The following ANKRD30A variants were observed in gnomAD, a reference collection of about 807,000 sequenced individuals.
ANKRD30A encodes the protein ankyrin repeat domain 30A, also known as ankyrin repeat domain-containing protein 30A.
Under a neutral mutation model 166.3 loss-of-function variants are expected in ANKRD30A, and 170 were observed. The ratio of observed to expected loss-of-function variants is 1.02; its 90% CI spans 0.90 to 1.16. ANKRD30A has a LOEUF of 1.16. Ranked by LOEUF, ANKRD30A falls within the 50% of genes most tolerant of loss-of-function variation. ANKRD30A has a pLI of 0.00. For missense variants in ANKRD30A, 1,630 were observed against 1,518.0 expected (o/e 1.07, Z -1.23); for synonymous variants, 564 against 508.9 (o/e 1.11, Z -1.46).
intron 13 of ANKRD30A, 52 bp from the exon 14 acceptor site, chr10:37,158,340 A>T: frequency 6.4e-7 from 1 of 1,572,478 alleles, no homozygotes; most frequent in Non-Finnish European, 8.7e-7. Context: ...AATGTTCGGT[A>T]GGCTTTGTCA....
At chr10:37,226,281 G>A (rs997682094) in intron 34 of ANKRD30A, among the ~76,000 whole-genome samples, 1 of 103,600 alleles carries the variant, frequency 9.7e-6, no homozygotes, top group African/African-American at 3.9e-5. Flanking sequence ...AACAGGCCCC[G>A]GTGTGTGATG....
chr10:37,197,691 T>C (rs1380791591), intron 29 of ANKRD30A, among the ~76,000 whole-genome samples: 2 of 152,200 alleles, frequency 1.3e-5, no homozygotes, highest in East Asian at 1.9e-4. Flanking sequence ...TAATCTCAGA[T>C]GTTTCTACTT....
At chr10:37,258,522 C>A in the ANKRD30A span, among the ~76,000 whole-genome samples, 1 of 152,088 alleles carries the variant, frequency 6.6e-6, no homozygotes, top group Non-Finnish European at 1.5e-5. Context: ...AAACAATAAT[C>A]TTTTCAATAA....
At chr10:37,162,610 T>A (rs988949354) in intron 15 of ANKRD30A, 39 bp from the exon 16 acceptor site, 1 of 1,610,990 alleles carries the variant, frequency 6.2e-7, no homozygotes, top group Non-Finnish European at 8.5e-7. Context: ...GCTTGTCATA[T>A]TTACATATGA....
chr10:37,135,203 A>C (rs1222006876), intron 5 of ANKRD30A: 8 of 152,198 alleles, frequency 5.3e-5, no homozygotes, highest in Non-Finnish European at 1.2e-4. Context: ...CTCATCCATC[A>C]TTGATCAGTC....
the ANKRD30A span, among the ~76,000 whole-genome samples, chr10:37,238,132 C>T: frequency 6.6e-6 from 1 of 152,050 alleles, no homozygotes; most frequent in Non-Finnish European, 1.5e-5. Context: ...AAGCTTCTTC[C>T]CCATGTTTTG....
intron 31 of ANKRD30A, among the ~76,000 whole-genome samples, chr10:37,207,375 G>T (rs182765375): frequency 6.6e-6 from 1 of 152,228 alleles, no homozygotes; most frequent in East Asian, 1.9e-4. Context: ...GTATATGTTA[G>T]CCATGTGTGA....
At chr10:37,133,582 A>G (rs1454191159) in intron 4 of ANKRD30A, among the ~76,000 whole-genome samples, 2 of 152,208 alleles carry the variant, frequency 1.3e-5, no homozygotes, top group Non-Finnish European at 2.9e-5. Context: ...TCTGACTTCT[A>G]GCTGATTTTG....
chr10:37,219,019 G>A lies in ANKRD30A; in HGVS notation c.3307G>A (p.Glu1103Lys), dbSNP rs267602484. The A allele has an allele frequency of 3.1e-6, 5 of 1,592,916 alleles. No individual in the cohort carries two copies. The highest frequency in any genetic ancestry group is 3.4e-6 in the Non-Finnish European group (4 of 1,172,518). The change falls in exon 34 of 36, where the codon GAA becomes AAA. Residue 1103 changes from glutamate (E) to lysine (K), a missense_variant. Around this residue, in one of 4 missense-constraint regions of ANKRD30A, gnomAD observed 712 missense variants for 629.3 expected, o/e 1.13. Coordinates refer to ENST00000361713, the MANE Select transcript of ANKRD30A (RefSeq NM_052997.3). ...TGAAAATGAAAATTATCTCTTACAT[G>A]AAAATTGCATGTTGAAAAAGGAAAT... ...THENENYLLH[E>K]NCMLKKEIAM... is the part of the protein sequence containing the mutation.
At chr10:37,204,442 C>T (rs1161851550) in intron 31 of ANKRD30A, among the ~76,000 whole-genome samples, 4 of 152,072 alleles carry the variant, frequency 2.6e-5, no homozygotes, top group Non-Finnish European at 4.4e-5. Context: ...TGGATCCCTT[C>T]CTTACAACTT....
intron 1 of ANKRD30A, among the ~76,000 whole-genome samples, chr10:37,126,707 G>A (rs542411102): frequency 2.0e-5 from 3 of 152,074 alleles, no homozygotes; most frequent in Non-Finnish European, 2.9e-5. Flanking sequence ...ATTTTGTAAT[G>A]GAGTAAAAAA....
intron 27 of ANKRD30A, among the ~76,000 whole-genome samples, chr10:37,193,859 G>T (rs1191850726): frequency 6.6e-6 from 1 of 151,774 alleles, no homozygotes; most frequent in African/African-American, 2.4e-5. Flanking sequence ...GTACAAAAGA[G>T]CCTGAATTAG....
At chr10:37,204,807 T>G (rs568821269) in intron 31 of ANKRD30A, among the ~76,000 whole-genome samples, 36 of 152,258 alleles carry the variant, frequency 2.4e-4, no homozygotes, top group African/African-American at 8.2e-4. Context: ...CAGACACTTC[T>G]CAAAAGAAGA....
Position 37,217,844 on chromosome 10 carries a change from T to C in ANKRD30A, c.3233T>C (p.Ile1078Thr), listed in dbSNP as rs568499945. 1.3e-6 allele frequency: 2 copies of C among 1,592,084 alleles called. No individual in the cohort carries two copies. Among genetic ancestry groups the C allele is most frequent in the African/African-American group, 2.7e-5 (2 of 73,460 alleles). ...GAACAGGCTCTCAGAATACAAGATA[T>C]AGAATTGAAGAGTGTAGAAAGTAAT... Reference protein sequence around the residue: ...QLEQALRIQDIELKSVESNLN... With the variant: ...QLEQALRIQDTELKSVESNLN... Residue 1078 changes from isoleucine (I) to threonine (T), a missense_variant, in exon 33 of 36, where the codon ATA becomes ACA. Physicochemically the swap from Ile to Thr is moderately conservative, Grantham distance 89 (BLOSUM62 -1). Around this residue, in one of 4 missense-constraint regions of ANKRD30A, gnomAD observed 712 missense variants for 629.3 expected, o/e 1.13. Transcript: ENST00000361713.
chr10:37,137,707 A>C (rs1836810490), intron 6 of ANKRD30A, among the ~76,000 whole-genome samples: 1 of 152,204 alleles, frequency 6.6e-6, no homozygotes, highest in South Asian at 2.1e-4. Flanking sequence ...AGGCTTGAGT[A>C]GGTAAACAAA....
At chr10:37,147,327 T>C (rs1183738236) in intron 8 of ANKRD30A, 43 bp from the exon 9 acceptor site, 84 of 1,422,376 alleles carry the variant, frequency 5.9e-5, no homozygotes, top group Non-Finnish European at 7.7e-5. Context: ...TTCATGCTTA[T>C]GATTTTAAAA....
chr10:37,258,171 T>A, the ANKRD30A span, among the ~76,000 whole-genome samples: 16 of 152,224 alleles, frequency 1.1e-4, no homozygotes, highest in Admixed American at 3.9e-4. Flanking sequence ...ATTAAAAAGA[T>A]ACAAAATGCT....
Position 37,219,460 on chromosome 10 carries a change from C to T in ANKRD30A, c.3748C>T (p.His1250Tyr), listed in dbSNP as rs546908468. The T allele has an allele frequency of 2.0e-5, 33 of 1,610,130 alleles. No homozygotes were observed. The South Asian group carries it at 3.3e-4, about 16-fold the overall frequency. Residue 1250 changes from histidine to tyrosine, a missense_variant, in exon 34 of 36, where the codon CAT (histidine) becomes TAT (tyrosine). Around this residue, in one of 4 missense-constraint regions of ANKRD30A, gnomAD observed 712 missense variants for 629.3 expected, o/e 1.13. Transcript: ENST00000361713. Reference sequence around the variant, plus strand: ...TACGATATATAACAATGAGGTGCTCCATCAACCACTTTCTGAAGCTCAAAG... The same window carrying T: ...TACGATATATAACAATGAGGTGCTCTATCAACCACTTTCTGAAGCTCAAAG... The part of the protein sequence containing the change: ...SSTIYNNEVL[H>Y]QPLSEAQRKS...
chr10:37,138,548 G>T (rs1291946298), intron 6 of ANKRD30A, among the ~76,000 whole-genome samples: 2 of 152,212 alleles, frequency 1.3e-5, no homozygotes, highest in African/African-American at 2.4e-5. Context: ...TGATGGAGCT[G>T]AAAACCAAGG....
Sources: gnomAD v4.1 joint callset for allele counts (sites outside exome capture counted in the v4.1 genomes callset) on GRCh38, gnomAD v4.1.1 for gene constraint, gnomAD v4.1.1 regional missense constraint, MANE v1.5 for transcripts, NCBI Gene and HGNC (gene_info 2026-07-23, HGNC 2026-07-21) for gene names.